VASH2: variants seen among roughly 807,000 people sequenced by gnomAD.
The protein encoded by VASH2 is tubulinyl-Tyr carboxypeptidase 2.
In VASH2, 28 loss-of-function variants were observed where a neutral mutation model predicts 37.2. The ratio of observed to expected loss-of-function variants is 0.75; its 90% CI spans 0.56 to 1.03. The LOEUF (loss-of-function observed/expected upper bound fraction) is 1.03, where lower values mean the gene tolerates loss of function less well. Ranked by LOEUF, VASH2 falls within the 50% of genes least tolerant of loss-of-function variation. The pLI is 0.00. For missense variants in VASH2, 419 were observed against 459.1 expected (o/e 0.91, Z 0.80); for synonymous variants, 188 against 174.7 (o/e 1.08, Z -0.60).
At chr1:212,957,374 A>T (rs140564003) in intron 2 of VASH2, among the ~76,000 whole-genome samples, 1 of 152,240 alleles carries the variant, frequency 6.6e-6, no homozygotes, top group East Asian at 1.9e-4. Context: ...ACTTTGCATG[A>T]GCTCATAATG....
chr1:212,965,659 C>T, intron 3 of VASH2, 63 bp from the exon 4 acceptor site: 1 of 1,435,606 alleles, frequency 7.0e-7, no homozygotes, highest in Non-Finnish European at 9.6e-7. Context: ...GCATAGCTTT[C>T]TCTGCCACAT....
At chr1:212,957,150 C>T (rs72745819) in intron 2 of VASH2, among the ~76,000 whole-genome samples, 22 of 152,334 alleles carry the variant, frequency 1.4e-4, no homozygotes, top group Non-Finnish European at 2.5e-4. Context: ...TGGCTTACTT[C>T]ATTTAGCAAA....
intron 5 of VASH2, chr1:212,967,172 A>G (rs886475313): frequency 1.9e-5 from 25 of 1,304,266 alleles, no homozygotes; most frequent in South Asian, 4.9e-5. Flanking sequence ...ATTTTTCACC[A>G]GACTCCCGGC....
chr1:212,974,199 G>A, intron 7 of VASH2, 129 bp downstream of exon 7: 1 of 1,214,890 alleles, frequency 8.2e-7, no homozygotes. Flanking sequence ...CAAGAGGACT[G>A]CCCCTCATTC....
chr1:212,974,896 G>A (rs1667124058), intron 7 of VASH2: 1 of 152,180 alleles, frequency 6.6e-6, no homozygotes, highest in African/African-American at 2.4e-5. Context: ...GGGAGCCTTG[G>A]TTTCTTCATC....
chr1:212,973,971 G>C lies in VASH2; in HGVS notation c.896G>C (p.Ser299Thr), dbSNP rs1247116760. ...CTCCTTCAGATCCTGAAACCTGCAA[G>C]TGCCCACTCTCCGACCCAAGTGAGA... ...DMRMKILKPA[S>T]AHSPTQVRSR... Residue 299 changes from serine (S) to threonine (T), a missense_variant, in exon 7 of 8, where the codon AGT (serine) becomes ACT (threonine). This residue lies in a region of VASH2 where 177 missense variants were observed against 166.2 expected (regional missense o/e 1.06). Transcript: ENST00000517399. 3 of 1,613,574 alleles carry C rather than the reference G, an allele frequency of 1.9e-6. No individual in the cohort carries two copies. The highest frequency in any genetic ancestry group is 1.7e-5 in the Admixed American group (1 of 59,966).
In VASH2 at chr1:212,965,703, C is replaced by A; in HGVS notation, c.366-19C>A. The A allele has an allele frequency of 1.3e-6, 2 of 1,548,570 alleles. No individual in the cohort carries two copies. The highest frequency in any genetic ancestry group is 8.7e-7 in the Non-Finnish European group (1 of 1,144,008). On this transcript the variant is annotated intron_variant, in intron 3 of 7. Transcript: ENST00000517399. The stretch of plus-strand genomic sequence containing the variant: ...CCTTTGGAGTTTTCTGTCACTTTCC[C>A]TTTACATACTTTACACAGATATAAT...
intron 5 of VASH2, chr1:212,967,253 T>A: frequency 6.2e-6 from 8 of 1,293,894 alleles, no homozygotes; most frequent in Non-Finnish European, 8.1e-6. Context: ...GATGACCACC[T>A]CCCTTACACA....
At chr1:212,964,035 A>T (rs1666760541) in intron 3 of VASH2, among the ~76,000 whole-genome samples, 1 of 152,140 alleles carries the variant, frequency 6.6e-6, no homozygotes. Flanking sequence ...CTGTATGGTT[A>T]GTTGTTGTTC....
At chr1:212,956,359 A>T (rs1666494458) in intron 2 of VASH2, among the ~76,000 whole-genome samples, 1 of 151,518 alleles carries the variant, frequency 6.6e-6, no homozygotes, top group East Asian at 1.9e-4. Context: ...TGGGGCCCCC[A>T]CCCCTAGAAA....
chr1:212,960,265 A>G (rs1450482984), intron 2 of VASH2, among the ~76,000 whole-genome samples: 7 of 151,998 alleles, frequency 4.6e-5, no homozygotes, highest in Non-Finnish European at 8.8e-5. Context: ...AGGGATTAGG[A>G]CTTCGTCTGC....
At chr1:212,977,321 C>G (rs1667207328) in intron 7 of VASH2, among the ~76,000 whole-genome samples, 1 of 152,150 alleles carries the variant, frequency 6.6e-6, no homozygotes, top group African/African-American at 2.4e-5. Context: ...GGACGGGGGA[C>G]TTAGAGCAGA....
chr1:212,970,330 G>A (rs938707868), intron 5 of VASH2, among the ~76,000 whole-genome samples: 2 of 152,060 alleles, frequency 1.3e-5, no homozygotes, highest in Non-Finnish European at 2.9e-5. Flanking sequence ...TCAGTGACTC[G>A]TGACATGAGG....
At chr1:212,984,036 A>G (rs1667407943) in intron 7 of VASH2, among the ~76,000 whole-genome samples, 1 of 152,208 alleles carries the variant, frequency 6.6e-6, no homozygotes, top group Non-Finnish European at 1.5e-5. Flanking sequence ...GGATTAATTA[A>G]TCCACGGAAA....
chr1:212,984,769 CA>C (rs796337994), intron 7 of VASH2, among the ~76,000 whole-genome samples: 31 of 152,278 alleles, frequency 2.0e-4, no homozygotes, highest in African/African-American at 7.0e-4. Context: ...TCAGAGACAA[CA>C]GGAGATCTAA....
At chr1:212,981,475 C>G (rs1370026215) in intron 7 of VASH2, among the ~76,000 whole-genome samples, 3 of 152,232 alleles carry the variant, frequency 2.0e-5, no homozygotes, top group African/African-American at 7.2e-5. Context: ...GGGGCCTGGT[C>G]TGACCTGATT....
At chr1:212,978,480 A>G (rs557367006) in intron 7 of VASH2, among the ~76,000 whole-genome samples, 2 of 152,314 alleles carry the variant, frequency 1.3e-5, no homozygotes, top group East Asian at 3.9e-4. Flanking sequence ...CACGCCCCAA[A>G]GTCGATCCCA....
chr1:212,978,473 G>A (rs116745152), intron 7 of VASH2, among the ~76,000 whole-genome samples: 3,234 of 152,232 alleles, frequency 0.021, 62 homozygotes, highest in Middle Eastern at 0.054. Context: ...CTCCCTCCAC[G>A]CCCCAAAGTC....
rs762040777 is a variant in VASH2 at position 212,974,045 on chromosome 1, A to G, written c.970A>G (p.Arg324Gly). 1 of 1,613,584 alleles carries G rather than the reference A, an allele frequency of 6.2e-7. No homozygotes were observed. The highest frequency in any genetic ancestry group is 1.1e-5 in the South Asian group (1 of 91,044). Residue 324 changes from arginine to glycine, a missense_variant, in exon 7 of 8, where the codon AGG becomes GGG. By Grantham distance (125) the Arg-to-Gly change is moderately radical. Transcript: ENST00000517399. ...CAGAAGGAGACAGGCAAGCCCCCCGAGGAGGCTCGGCCGGCGAGAGAAGTC... is the reference window on the plus strand; with the variant it reads ...CAGAAGGAGACAGGCAAGCCCCCCGGGGAGGCTCGGCCGGCGAGAGAAGTC... ...SPRRRQASPP[R>G]RLGRREKSPA...
Sources: allele counts gnomAD v4.1 joint callset (sites outside exome capture counted in the v4.1 genomes callset), GRCh38; gene constraint gnomAD v4.1.1; regional missense constraint gnomAD v4.1.1; transcripts MANE v1.5; gene names NCBI Gene and HGNC (gene_info 2026-07-23, HGNC 2026-07-21).